Variants in GHR observed in about 807,000 individuals in gnomAD.
GHR encodes GH receptor.
In GHR, 35 loss-of-function variants were observed where a neutral mutation model predicts 67.1. That is an observed-to-expected ratio of 0.52 (90% CI 0.40 to 0.69). The LOEUF (loss-of-function observed/expected upper bound fraction) is 0.69, where lower values mean the gene tolerates loss of function less well. Among genes scored for constraint, GHR ranks in the 30% least tolerant of loss-of-function variants. The pLI is 0.00. For synonymous variants in GHR, 272 were observed against 269.1 expected, an observed-to-expected ratio of 1.01 and a Z score of -0.10; for missense variants, 792 against 764.6, an observed-to-expected ratio of 1.04 and a Z score of -0.42.
chr5:42,572,419 T>C (rs1037735020), intron 2 of GHR, among the ~76,000 whole-genome samples: 6 of 152,218 alleles, frequency 3.9e-5, no homozygotes, highest in African/African-American at 1.4e-4. Flanking sequence ...AACAGTGTCA[T>C]CTTCAAACCC....
chr5:42,596,670 A>C lies in GHR; in HGVS notation c.70+30726A>C, dbSNP rs138477636. Among the ~76,000 whole-genome samples the C allele has an allele frequency of 3.3e-3, 509 of 152,280 alleles. 2 individuals carry two copies. The highest frequency in any genetic ancestry group is 0.012 in the African/African-American group (492 of 41,550). ...TTGCCAGTTCAGTGTTTGTGGTTGC[A>C]GGTAGTATCAGCTCCTCTCCTGATA... On this transcript the variant is annotated intron_variant, in intron 2 of 9. Transcript: ENST00000230882.
At chr5:42,695,753 T>C (rs1757643465) in intron 5 of GHR, among the ~76,000 whole-genome samples, 1 of 152,328 alleles carries the variant, frequency 6.6e-6, no homozygotes, top group East Asian at 1.9e-4. Flanking sequence ...CTTAATAGTA[T>C]AAATAGCAAA....
At chr5:42,450,234 G>T (rs960329639) in intron 1 of GHR, among the ~76,000 whole-genome samples, 2 of 152,108 alleles carry the variant, frequency 1.3e-5, no homozygotes, top group African/African-American at 4.8e-5. Context: ...ATAGAATTCA[G>T]CTGTGAATCC....
At chr5:42,516,521 G>T (rs1747245841) in intron 1 of GHR, among the ~76,000 whole-genome samples, 1 of 152,098 alleles carries the variant, frequency 6.6e-6, no homozygotes, top group African/African-American at 2.4e-5. Flanking sequence ...AGGGTTGTGT[G>T]TGGCTCCGGT....
intron 4 of GHR, 90 bp downstream of exon 4, chr5:42,689,109 T>C: frequency 2.7e-6 from 3 of 1,109,242 alleles, no homozygotes; most frequent in Admixed American, 1.7e-5. Context: ...ATGGAAGTGA[T>C]TTGTTGTGAT....
intron 2 of GHR, among the ~76,000 whole-genome samples, chr5:42,621,287 T>G (rs1306841302): frequency 6.6e-6 from 1 of 152,128 alleles, no homozygotes; most frequent in Admixed American, 6.6e-5. Flanking sequence ...CTTTCAGTAT[T>G]CTTTGTGAAA....
intron 2 of GHR, among the ~76,000 whole-genome samples, chr5:42,594,547 G>A (rs1433182939): frequency 6.6e-6 from 1 of 152,096 alleles, no homozygotes; most frequent in East Asian, 1.9e-4. Context: ...GTTTAAAGCT[G>A]ACCTTTTCTT....
intron 3 of GHR, among the ~76,000 whole-genome samples, chr5:42,671,971 A>AG (rs1756337833): frequency 6.6e-6 from 1 of 151,000 alleles, no homozygotes; most frequent in East Asian, 1.9e-4. Context: ...AAAAAAAAAA[A>AG]AGAAACTAGG....
chr5:42,533,851 C>T (rs754181550), intron 1 of GHR, among the ~76,000 whole-genome samples: 17 of 151,186 alleles, frequency 1.1e-4, no homozygotes, highest in Non-Finnish European at 4.4e-5. Context: ...CCCCAAAGTC[C>T]CCAAATTCCA....
At chr5:42,585,962 C>G (rs72754935) in intron 2 of GHR, among the ~76,000 whole-genome samples, 20 of 152,144 alleles carry the variant, frequency 1.3e-4, no homozygotes. Context: ...TGCTTCCCTT[C>G]TCTGTGCCTC....
intron 1 of GHR, among the ~76,000 whole-genome samples, chr5:42,500,392 C>A (rs1215983456): frequency 2.6e-5 from 4 of 152,236 alleles, no homozygotes; most frequent in African/African-American, 9.6e-5. Context: ...GCCCTTCAGG[C>A]AAATGACTCA....
intron 1 of GHR, among the ~76,000 whole-genome samples, chr5:42,462,741 T>A (rs1744541752): frequency 6.6e-6 from 1 of 151,816 alleles, no homozygotes; most frequent in African/African-American, 2.4e-5. Context: ...TCTAGGGAGG[T>A]CCTCAAATTC....
At chr5:42,553,382 C>T (rs1212944711) in intron 1 of GHR, among the ~76,000 whole-genome samples, 1 of 152,182 alleles carries the variant, frequency 6.6e-6, no homozygotes, top group African/African-American at 2.4e-5. Context: ...CCAGTTTTTG[C>T]TCCTAGAGGC....
rs566518767 is a variant in GHR, at chr5:42,479,107, T to A, written c.-12+55152T>A. On this transcript the variant is annotated intron_variant, in intron 1 of 9. Transcript: ENST00000230882. ...TTTTTAGCATGAAGCATTGTTGAAT[T>A]TTTACAAAGGCCTTTTCTGCGTCTA... Among the ~76,000 whole-genome samples the A allele has an allele frequency of 9.8e-5, 15 of 152,318 alleles. No individual in the cohort carries two copies. In the East Asian group the frequency reaches 2.5e-3, roughly 25 times the overall value.
chr5:42,538,868 A>T (rs991064119), intron 1 of GHR, among the ~76,000 whole-genome samples: 1 of 152,048 alleles, frequency 6.6e-6, no homozygotes, highest in African/African-American at 2.4e-5. Context: ...ACCTTTGTTC[A>T]TATTTTCTTA....
intron 1 of GHR, among the ~76,000 whole-genome samples, chr5:42,463,178 G>A (rs573667632): frequency 6.6e-6 from 1 of 152,172 alleles, no homozygotes; most frequent in African/African-American, 2.4e-5. Flanking sequence ...AGATAAATAA[G>A]GAGTCCTGGT....
At chr5:42,521,209 C>A (rs1456709930) in intron 1 of GHR, among the ~76,000 whole-genome samples, 1 of 152,144 alleles carries the variant, frequency 6.6e-6, no homozygotes, top group African/African-American at 2.4e-5. Flanking sequence ...TGAAGAAAAC[C>A]TCTTGCAAGA....
chr5:42,478,976 A>C (rs922848449), intron 1 of GHR, among the ~76,000 whole-genome samples: 2 of 152,118 alleles, frequency 1.3e-5, no homozygotes, highest in African/African-American at 4.8e-5. Context: ...TTTCAAAGGG[A>C]ATGTTTCCAG....
intron 1 of GHR, among the ~76,000 whole-genome samples, chr5:42,537,732 C>T (rs2112365575): frequency 6.6e-6 from 1 of 152,166 alleles, no homozygotes; most frequent in South Asian, 2.1e-4. Flanking sequence ...GTCTGGATGA[C>T]CTGTCTAGTG....
Sources: allele counts gnomAD v4.1 joint callset (sites outside exome capture counted in the v4.1 genomes callset), GRCh38; gene constraint gnomAD v4.1.1; transcripts MANE v1.5; gene names NCBI Gene and HGNC (gene_info 2026-07-23, HGNC 2026-07-21).